Variants in MYOM1 observed in about 807,000 individuals in gnomAD.
MYOM1 encodes myomesin 1, also known as myomesin-1.
Under a neutral mutation model 205.3 loss-of-function variants are expected in MYOM1, and 164 were observed. That is an observed-to-expected ratio of 0.80 (90% CI 0.70 to 0.91). The LOEUF (loss-of-function observed/expected upper bound fraction) is 0.91, where lower values mean the gene tolerates loss of function less well. Among genes scored for constraint, MYOM1 ranks in the 40% least tolerant of loss-of-function variants. The probability of loss-of-function intolerance (pLI) is 0.00; values close to 1 mark genes in which losing one functional copy is unlikely to be tolerated. For synonymous variants in MYOM1, 772 were observed against 789.4 expected, an observed-to-expected ratio of 0.98 and a Z score of 0.37; for missense variants, 2,011 against 2,127.3, an observed-to-expected ratio of 0.95 and a Z score of 1.08.
intron 19 of MYOM1, among the ~76,000 whole-genome samples, chr18:3,122,877 T>C (rs191204765): frequency 1.3e-5 from 2 of 152,340 alleles, no homozygotes; most frequent in East Asian, 3.9e-4. Flanking sequence ...CTTTAACCGA[T>C]AATAGATGTC....
chr18:3,204,124 A>G (rs2081102412), intron 2 of MYOM1, among the ~76,000 whole-genome samples: 1 of 151,760 alleles, frequency 6.6e-6, no homozygotes, highest in Admixed American at 6.6e-5. Context: ...AAGGCCATCT[A>G]CGAAAAATCT....
chr18:3,215,909 G>A (rs1421276087), intron 1 of MYOM1, among the ~76,000 whole-genome samples: 1 of 152,196 alleles, frequency 6.6e-6, no homozygotes, highest in Non-Finnish European at 1.5e-5. Context: ...AGAGAGTCAT[G>A]TGGTGTTCAT....
At chr18:3,211,920 G>A (rs1288738111) in intron 2 of MYOM1, among the ~76,000 whole-genome samples, 3 of 152,142 alleles carry the variant, frequency 2.0e-5, no homozygotes, top group Non-Finnish European at 4.4e-5. Flanking sequence ...TCCAACCCCA[G>A]GGGTTTTAAT....
chr18:3,120,819 G>A (rs1175886293), intron 19 of MYOM1, among the ~76,000 whole-genome samples: 1 of 152,178 alleles, frequency 6.6e-6, no homozygotes, highest in African/African-American at 2.4e-5. Flanking sequence ...TCACTCAGTA[G>A]GAACTGGGTT....
At chr18:3,133,633 G>T (rs1414754148) in intron 16 of MYOM1, among the ~76,000 whole-genome samples, 1 of 152,076 alleles carries the variant, frequency 6.6e-6, no homozygotes, top group African/African-American at 2.4e-5. Context: ...ATGTTAAGTA[G>T]AGTGTATTAT....
chr18:3,081,909 A>G (rs1437877645), intron 33 of MYOM1, among the ~76,000 whole-genome samples: 1 of 152,246 alleles, frequency 6.6e-6, no homozygotes, highest in Admixed American at 6.5e-5. Flanking sequence ...GGCTCTGGCT[A>G]ACTGTTCAAT....
chr18:3,072,446 C>T (rs529978424), intron 36 of MYOM1, among the ~76,000 whole-genome samples: 2 of 146,826 alleles, frequency 1.4e-5, no homozygotes, highest in Admixed American at 6.8e-5. Flanking sequence ...CTCCGCCTCC[C>T]AGGTTCAAGT....
At chr18:3,148,675 G>A (rs1011954206) in intron 13 of MYOM1, among the ~76,000 whole-genome samples, 4 of 151,754 alleles carry the variant, frequency 2.6e-5, no homozygotes, top group Admixed American at 1.3e-4. Flanking sequence ...GTGAAATCCC[G>A]TCTCTACTAA....
chr18:3,215,383 A>G, intron 1 of MYOM1, 132 bp from the exon 2 acceptor site: 1 of 746,386 alleles, frequency 1.3e-6, no homozygotes. Context: ...CCCAACGAGG[A>G]TCTCTCGAGG....
chr18:3,209,718 C>G lies in MYOM1; in HGVS notation c.290+5216G>C, dbSNP rs2081168524. Among the ~76,000 whole-genome samples the G allele has an allele frequency of 6.6e-6, 1 of 152,196 alleles. No individual in the cohort carries two copies. The highest frequency in any genetic ancestry group is 2.4e-5 in the African/African-American group (1 of 41,450). On this transcript the variant is annotated intron_variant, in intron 2 of 37. Coordinates refer to ENST00000356443, the MANE Select transcript of MYOM1 (RefSeq NM_003803.4). The surrounding 1 kb of genome is among the most constrained non-coding windows in gnomAD (Gnocchi z 4.0). The stretch of plus-strand genomic sequence containing the variant: ...ATAACCTCATGGCTACCTCTCTGAG[C>G]TACTTCACTTCTTTGCTCAGATATC...
chr18:3,231,207 G>A, the MYOM1 span, among the ~76,000 whole-genome samples: 4 of 152,170 alleles, frequency 2.6e-5, no homozygotes, highest in Non-Finnish European at 5.9e-5. Flanking sequence ...CACTCCTCCC[G>A]TAAGAATTTG....
chr18:3,075,450 TTAC>T lies in MYOM1; in HGVS notation c.4708+1_4708+3del. 6.2e-7 allele frequency: 1 copy of T among 1,611,706 alleles called. No homozygotes were observed. The highest frequency in any genetic ancestry group is 8.5e-7 in the Non-Finnish European group (1 of 1,178,136). On this transcript the variant is annotated splice_donor_variant and splice_donor_region_variant and intron_variant, in intron 36 of 37. Transcript: ENST00000356443. LOFTEE classifies it high-confidence loss of function. ...TGTGAAAAGTAAAAAAAAAGTTTAC[TTAC>T]TTTTCTCGGCAATGGCAGCTTGTCT...
chr18:3,241,249 A>G, the MYOM1 span, among the ~76,000 whole-genome samples: 6 of 152,226 alleles, frequency 3.9e-5, no homozygotes, highest in Non-Finnish European at 8.8e-5. Context: ...TCTTCATGGC[A>G]GCCCCTCCCA....
At chr18:3,119,123 C>A (rs1174490954) in intron 20 of MYOM1, among the ~76,000 whole-genome samples, 5 of 152,054 alleles carry the variant, frequency 3.3e-5, no homozygotes, top group African/African-American at 1.2e-4. Context: ...TTTCCCCCAG[C>A]CCCATCCTCG....
At chr18:3,081,966 T>G (rs192114175) in intron 33 of MYOM1, among the ~76,000 whole-genome samples, 1 of 152,230 alleles carries the variant, frequency 6.6e-6, no homozygotes, top group Admixed American at 6.5e-5. Context: ...ACCGGTTTCA[T>G]GGAAGACGAT....
chr18:3,072,361 T>TA (rs2078969319), intron 36 of MYOM1, among the ~76,000 whole-genome samples: 1 of 130,862 alleles, frequency 7.6e-6, no homozygotes, highest in Non-Finnish European at 1.6e-5. Flanking sequence ...TTTTTTTTTT[T>TA]TTTTTTTTTT....
chr18:3,135,632 G>A lies in MYOM1; in HGVS notation c.2124C>T (p.Tyr708=). 1.2e-6 allele frequency: 2 copies of A among 1,613,910 alleles called. No homozygotes were observed. The highest frequency in any genetic ancestry group is 1.7e-6 in the Non-Finnish European group (2 of 1,179,892). Residue 708 remains tyrosine, a synonymous_variant, in exon 15 of 38, where the codon TAC becomes TAT. Coordinates refer to ENST00000356443, the MANE Select transcript of MYOM1 (RefSeq NM_003803.4). The surrounding 1 kb of genome is among the most constrained non-coding windows in gnomAD (Gnocchi z 4.1). ...ALFDLAEGKS[Y]CFRVRCSNSA... is the part of the protein sequence containing the mutation. ...AATTAGAACAGCGGACACGGAAACA[G>A]TAGGATTTCCCCTCGGCCAAGTCAA...
chr18:3,085,229 C>CTTTTTTT lies in MYOM1; in HGVS notation c.4252-104_4252-98dup, dbSNP rs398041147. On this transcript the variant is annotated intron_variant, in intron 30 of 37. Transcript: ENST00000356443. ...TCTTCTGCTTCTTCTGCTGCTGCTG[C>CTTTTTTT]TTTTTTTTTTTTTTTTTTTTTTTTT... 3.8e-5 allele frequency: 5 copies of CTTTTTTT among 131,658 alleles called. 1 individual carries two copies. The East Asian group carries it at 1.6e-3, about 43-fold the overall frequency. The allele number at this position is 131,658 out of a possible 1,614,324, so 8.2% of individuals were successfully genotyped here. A position where few individuals can be genotyped will look rare whatever the true frequency, so the allele number is the denominator to read the frequency against.
At chr18:3,213,187 G>A (rs539131075) in intron 2 of MYOM1, among the ~76,000 whole-genome samples, 3 of 152,282 alleles carry the variant, frequency 2.0e-5, no homozygotes, top group East Asian at 1.9e-4. Flanking sequence ...TAGTTAAACC[G>A]ACCACTCTAT....
Sources: gnomAD v4.1 joint callset for allele counts (sites outside exome capture counted in the v4.1 genomes callset) on GRCh38, gnomAD v4.1.1 for gene constraint, Gnocchi (gnomAD v3.1) non-coding constraint, MANE v1.5 for transcripts, NCBI Gene and HGNC (gene_info 2026-07-23, HGNC 2026-07-21) for gene names.